The following SIGLEC15 variants were observed in gnomAD, a reference collection of about 807,000 sequenced individuals.
SIGLEC15 encodes sialic acid-binding Ig-like lectin 15.
Under a neutral mutation model 26.2 loss-of-function variants are expected in SIGLEC15, and 31 were observed. That is an observed-to-expected ratio of 1.18 (90% CI 0.89 to 1.60). SIGLEC15 has a LOEUF of 1.60. Ranked by LOEUF, SIGLEC15 falls within the 40% of genes most tolerant of loss-of-function variation. The pLI is 0.00. For missense variants in SIGLEC15, 501 were observed against 488.4 expected, an observed-to-expected ratio of 1.03 and a Z score of -0.24; for synonymous variants, 207 against 221.9, an observed-to-expected ratio of 0.93 and a Z score of 0.60.
At position 45,842,544 on chromosome 18, in the gene SIGLEC15, A is replaced by G. The variant is rs1407094659; in HGVS notation, c.*357A>G. 4.4e-6 allele frequency: 1 copy of G among 229,570 alleles called. No homozygotes were observed. The highest frequency in any genetic ancestry group is 8.7e-6 in the Non-Finnish European group (1 of 114,808). The allele number at this position is 229,570 out of a possible 1,614,324, so 14.2% of individuals were successfully genotyped here. A position where few individuals can be genotyped will look rare whatever the true frequency, so the allele number is the denominator to read the frequency against. ...TAGAACACCTGCTATAGTAAAGCAG[A>G]CAGGAAACTGTTTACAGGGCCTGGA... On this transcript the variant is annotated 3_prime_UTR_variant, in exon 6 of 6. Coordinates refer to ENST00000389474, the MANE Select transcript of SIGLEC15 (RefSeq NM_213602.3).
chr18:45,838,742 C>G lies in SIGLEC15; in HGVS notation c.521C>G (p.Ser174Trp). The change falls in exon 4 of 6, where the codon TCG (serine) becomes TGG (tryptophan). Residue 174 changes from serine (S) to tryptophan (W), a missense_variant. Physicochemically the swap from Ser to Trp is radical, Grantham distance 177. Coordinates refer to ENST00000389474, the MANE Select transcript of SIGLEC15 (RefSeq NM_213602.3). ...VTAAPRIVNI[S>W]VLPSPAHAFR... ...GCCGCGCCGCGGATCGTCAACATCT[C>G]GGTGCTGCCCAGTCCGGCTCACGCC... 3 of 1,580,050 alleles carry G rather than the reference C, an allele frequency of 1.9e-6. No homozygotes were observed. Among genetic ancestry groups the G allele is most frequent in the Non-Finnish European group, 2.6e-6 (3 of 1,172,190 alleles).
At chr18:45,825,814 G>C (rs757655809) in intron 1 of SIGLEC15, 34 bp downstream of exon 1, 5 of 1,613,430 alleles carry the variant, frequency 3.1e-6, no homozygotes, top group Non-Finnish European at 4.2e-6. Context: ...GCCCATGCTC[G>C]GGACAGAATA....
chr18:45,833,889 A>G (rs2048254965), intron 1 of SIGLEC15, among the ~76,000 whole-genome samples: 1 of 152,012 alleles, frequency 6.6e-6, no homozygotes, highest in South Asian at 2.1e-4. Context: ...GAGGTGAACA[A>G]ATTAACCAAG....
rs1393429665 is a variant in SIGLEC15 at position 45,843,123 on chromosome 18, G to T, written c.*936G>T. The stretch of plus-strand genomic sequence containing the variant: ...GGGAACCACTGTCTCAGGAGCTGAA[G>T]CCGGGAGACCTGAGGGGAGGTCTGG... On this transcript the variant is annotated 3_prime_UTR_variant, in exon 6 of 6. Coordinates refer to ENST00000389474, the MANE Select transcript of SIGLEC15 (RefSeq NM_213602.3). 1 of 152,316 alleles carries T rather than the reference G, an allele frequency of 6.6e-6. No homozygotes were observed. Among genetic ancestry groups the T allele is most frequent in the African/African-American group, 2.4e-5 (1 of 41,456 alleles). 9.4% of individuals were successfully genotyped at this position (152,316 alleles called of 1,614,324 possible). A position where few individuals can be genotyped will look rare whatever the true frequency, so the allele number is the denominator to read the frequency against.
chr18:45,843,405 AG>A lies in SIGLEC15; in HGVS notation c.*1220del, dbSNP rs2048341574. ...TAAGCTGGCAAGAGGAAAGGGCCAC[AG>A]GCTAGGGGAATAACGAGGCCATGAA... is the stretch of plus-strand genomic sequence containing the variant. On this transcript the variant is annotated 3_prime_UTR_variant, in exon 6 of 6. Transcript: ENST00000389474. 6.6e-6 allele frequency: 1 copy of A among 152,294 alleles called. No individual in the cohort carries two copies. The highest frequency in any genetic ancestry group is 6.5e-5 in the Admixed American group (1 of 15,288). The allele number at this position is 152,294 out of a possible 1,614,324, so 9.4% of individuals were successfully genotyped here.
At chr18:45,838,443 A>T in intron 3 of SIGLEC15, 1 of 519,130 alleles carries the variant, frequency 1.9e-6, no homozygotes, top group Non-Finnish European at 3.3e-6. Context: ...GGGAGCCGGG[A>T]CCTAGTCCAA....
In SIGLEC15 at chr18:45,840,250, G is replaced by A; in HGVS notation, c.905+9G>A. The A allele has an allele frequency of 6.2e-7, 1 of 1,610,954 alleles. No homozygotes were observed. Among genetic ancestry groups the A allele is most frequent in the East Asian group, 2.2e-5 (1 of 44,602 alleles). ...CCGGACACCCCACCACGGTAAGTGAGCTCCCCGCCTCCACCCTACCCTACC... is the reference window on the plus strand; with the variant it reads ...CCGGACACCCCACCACGGTAAGTGAACTCCCCGCCTCCACCCTACCCTACC... On this transcript the variant is annotated intron_variant, in intron 5 of 5. Coordinates refer to ENST00000389474, the MANE Select transcript of SIGLEC15 (RefSeq NM_213602.3).
chr18:45,834,861 T>A (rs1489858006), intron 1 of SIGLEC15, among the ~76,000 whole-genome samples: 6 of 152,134 alleles, frequency 3.9e-5, no homozygotes, highest in Non-Finnish European at 7.3e-5. Flanking sequence ...TCACAGAAAG[T>A]GAGAAATAGC....
intron 1 of SIGLEC15, among the ~76,000 whole-genome samples, chr18:45,836,139 G>A (rs757675014): frequency 1.3e-5 from 2 of 152,186 alleles, no homozygotes; most frequent in Non-Finnish European, 2.9e-5. Flanking sequence ...CCTGCCCAAG[G>A]AGCAAATTGG....
intron 5 of SIGLEC15, among the ~76,000 whole-genome samples, chr18:45,841,637 G>A (rs757838904): frequency 2.6e-5 from 4 of 152,198 alleles, no homozygotes; most frequent in Non-Finnish European, 5.9e-5. Context: ...AGCACACAGT[G>A]TGAGAGGGAG....
intron 1 of SIGLEC15, among the ~76,000 whole-genome samples, chr18:45,828,741 G>T (rs1568077234): frequency 1.3e-5 from 2 of 152,232 alleles, no homozygotes; most frequent in South Asian, 2.1e-4. Flanking sequence ...CCCTCCTGCA[G>T]TGGGCAGGGA....
intron 1 of SIGLEC15, among the ~76,000 whole-genome samples, chr18:45,830,888 G>A (rs968894094): frequency 4.0e-5 from 6 of 151,804 alleles, no homozygotes; most frequent in East Asian, 1.9e-4. Flanking sequence ...GTGAGCCACC[G>A]CGCTTGGCCA....
At chr18:45,837,385 C>T in intron 2 of SIGLEC15, 128 bp from the exon 3 acceptor site, 1 of 1,324,488 alleles carries the variant, frequency 7.6e-7, no homozygotes, top group South Asian at 1.6e-5. Flanking sequence ...GGGGGACGAT[C>T]CCTGAGTCCT....
intron 1 of SIGLEC15, chr18:45,829,191 G>A (rs775975051): frequency 1.5e-4 from 151 of 978,832 alleles, no homozygotes; most frequent in Non-Finnish European, 1.7e-4. Context: ...CAGGTAAGCA[G>A]GGCCACACCC....
Position 45,837,061 on chromosome 18 carries a change from G to C in SIGLEC15, c.85G>C (p.Glu29Gln). 1 of 1,578,376 alleles carries C rather than the reference G, an allele frequency of 6.3e-7. No homozygotes were observed. The highest frequency in any genetic ancestry group is 1.3e-5 in the African/African-American group (1 of 74,254). The change falls in exon 2 of 6, where the codon GAG (glutamate) becomes CAG (glutamine). Residue 29 changes from glutamate to glutamine, a missense_variant. Coordinates refer to ENST00000389474, the MANE Select transcript of SIGLEC15 (RefSeq NM_213602.3). ...TGTGAGAACTAAAATAGATACTACG[G>C]AGAACTTGCTCAACACAGAGGTGCA... ...SFVRTKIDTTENLLNTEVHSS... is the reference protein window; with the variant it reads ...SFVRTKIDTTQNLLNTEVHSS...
At position 45,825,681 on chromosome 18, in the gene SIGLEC15, G is replaced by A. The variant is rs1472619918; in HGVS notation, c.-48G>A. The A allele has an allele frequency of 6.2e-7, 1 of 1,604,970 alleles. No individual in the cohort carries two copies. The highest frequency in any genetic ancestry group is 8.5e-7 in the Non-Finnish European group (1 of 1,172,418). On this transcript the variant is annotated 5_prime_UTR_variant, in exon 1 of 6. Coordinates refer to ENST00000389474, the MANE Select transcript of SIGLEC15 (RefSeq NM_213602.3). The stretch of plus-strand genomic sequence containing the variant: ...CACGCCTGGGAGGGCCCTCACTGGG[G>A]AGGTGGCCGAGAGCGGGTCTGGCCT...
At chr18:45,834,057 C>T (rs548223914) in intron 1 of SIGLEC15, among the ~76,000 whole-genome samples, 11 of 152,292 alleles carry the variant, frequency 7.2e-5, no homozygotes, top group Middle Eastern at 6.8e-3. Context: ...TTGATGTCCA[C>T]GCCTTGTGGC....
At chr18:45,837,328 G>C (rs1196966625) in intron 2 of SIGLEC15, among the ~76,000 whole-genome samples, 185 bp from the exon 3 acceptor site, 1 of 152,234 alleles carries the variant, frequency 6.6e-6, no homozygotes, top group Non-Finnish European at 1.5e-5. Flanking sequence ...CAGGCACCAG[G>C]AATTGCCCCT....
chr18:45,834,456 C>T (rs905637205), intron 1 of SIGLEC15, among the ~76,000 whole-genome samples: 1 of 152,164 alleles, frequency 6.6e-6, no homozygotes, highest in African/African-American at 2.4e-5. Context: ...GGAGGCCAGC[C>T]CTAGGCTTGG....
Sources: gnomAD v4.1 joint callset for allele counts (sites outside exome capture counted in the v4.1 genomes callset) on GRCh38, gnomAD v4.1.1 for gene constraint, MANE v1.5 for transcripts, NCBI Gene and HGNC (gene_info 2026-07-23, HGNC 2026-07-21) for gene names.